ATP9B: variants seen among roughly 807,000 people sequenced by gnomAD.
ATP9B encodes probable phospholipid-transporting ATPase IIB.
A neutral mutation model predicts 146.1 loss-of-function variants in ATP9B; 110 were observed. That is an observed-to-expected ratio of 0.75 (90% CI 0.65 to 0.88). The LOEUF (loss-of-function observed/expected upper bound fraction) is 0.88. ATP9B is among the 40% of genes least tolerant of loss of function. The pLI, the probability that ATP9B is intolerant of heterozygous loss-of-function variation, is 0.00. For synonymous variants in ATP9B, 604 were observed against 569.7 expected (o/e 1.06, Z -0.86); for missense variants, 1,499 against 1,496.4 (o/e 1.00, Z -0.03).
Position 79,231,778 on chromosome 18 carries a change from GTATA to G in ATP9B, c.1107+17763_1107+17766del, listed in dbSNP as rs781387419. ...GTAGATAAAGAAAATGTGTGTGTGT[GTATA>G]TATATATATATATATATATATACAC... On this transcript the variant is annotated intron_variant, in intron 11 of 29. Transcript: ENST00000426216. Among the ~76,000 whole-genome samples, 622 of 121,284 alleles carry G rather than the reference GTATA, an allele frequency of 5.1e-3. 11 individuals carry two copies. The highest frequency in any genetic ancestry group is 0.018 in the African/African-American group (556 of 30,270). 79.6% of individuals were successfully genotyped at this position (121,284 alleles called of 152,430 possible).
intron 4 of ATP9B, among the ~76,000 whole-genome samples, chr18:79,123,641 G>T (rs1453485020): frequency 6.6e-6 from 1 of 152,014 alleles, no homozygotes; most frequent in Non-Finnish European, 1.5e-5. Flanking sequence ...GTAGATCAAA[G>T]TTGGAGAACT....
At chr18:79,331,632 T>G (rs2096790487) in intron 17 of ATP9B, among the ~76,000 whole-genome samples, 1 of 152,184 alleles carries the variant, frequency 6.6e-6, no homozygotes, top group Admixed American at 6.5e-5. Flanking sequence ...GGCAGCAGAT[T>G]CTTCGAGCTG....
intron 15 of ATP9B, among the ~76,000 whole-genome samples, chr18:79,328,764 G>C (rs1209822854): frequency 6.6e-6 from 1 of 152,038 alleles, no homozygotes; most frequent in Non-Finnish European, 1.5e-5. Context: ...CCATGGAACT[G>C]GGGAGGGAGA....
At chr18:79,099,663 G>C (rs80173780) in intron 2 of ATP9B, among the ~76,000 whole-genome samples, 2,254 of 152,040 alleles carry the variant, frequency 0.015, 66 homozygotes, top group African/African-American at 0.051. Context: ...ACCAGGTCTT[G>C]CTATGTTGCC....
At chr18:79,200,966 T>C (rs1236316171) in intron 9 of ATP9B, among the ~76,000 whole-genome samples, 2 of 152,220 alleles carry the variant, frequency 1.3e-5, no homozygotes, top group African/African-American at 2.4e-5. Context: ...GTGCCAAGTG[T>C]TGAGCACAAA....
chr18:79,289,996 G>T lies in ATP9B; in HGVS notation c.1411+12800G>T, dbSNP rs866620571. Among the ~76,000 whole-genome samples, 3 of 152,106 alleles carry T rather than the reference G, an allele frequency of 2.0e-5. 1 individual carries two copies. The South Asian group carries it at 6.2e-4, about 32-fold the overall frequency. On this transcript the variant is annotated intron_variant, in intron 13 of 29. Transcript: ENST00000426216. ...AAGTTTTGTCTCAGAGGAGTACCCG[G>T]CTGTGTGAGGTGTCAGTCTGCCCCT...
At chr18:79,176,959 GGCTT>G in intron 8 of ATP9B, 52 bp downstream of exon 8, 2 of 1,472,684 alleles carry the variant, frequency 1.4e-6, no homozygotes, top group Non-Finnish European at 1.9e-6. Context: ...GTAGTTTCTA[GGCTT>G]CACGTATATT....
At chr18:79,331,962 C>T (rs540061577) in intron 17 of ATP9B, among the ~76,000 whole-genome samples, 4 of 152,298 alleles carry the variant, frequency 2.6e-5, no homozygotes, top group African/African-American at 7.2e-5. Context: ...AAACCCCACA[C>T]AGATGAAAAT....
chr18:79,128,039 G>T (rs2094315217), intron 5 of ATP9B, among the ~76,000 whole-genome samples: 1 of 145,814 alleles, frequency 6.9e-6, no homozygotes, highest in Non-Finnish European at 1.5e-5. Context: ...TGTCTGCTCA[G>T]ATCCTTTGCC....
chr18:79,254,101 T>C (rs1313580118), intron 12 of ATP9B: 1 of 152,212 alleles, frequency 6.6e-6, no homozygotes, highest in Non-Finnish European at 1.5e-5. Flanking sequence ...CATTTTAAAC[T>C]ATTTTCTAAA....
chr18:79,176,545 G>A (rs1421442625), intron 7 of ATP9B, among the ~76,000 whole-genome samples: 1 of 152,142 alleles, frequency 6.6e-6, no homozygotes, highest in Non-Finnish European at 1.5e-5. Context: ...GCTGATTAAT[G>A]TTAAACCTTA....
At chr18:79,302,486 A>G (rs866972945) in intron 13 of ATP9B, among the ~76,000 whole-genome samples, 2 of 152,180 alleles carry the variant, frequency 1.3e-5, no homozygotes, top group African/African-American at 4.8e-5. Context: ...AGCACCACAC[A>G]TCGCAGCACG....
chr18:79,229,049 A>G lies in ATP9B; in HGVS notation c.1107+15011A>G, dbSNP rs371382396. 2.4e-3 allele frequency among the ~76,000 whole-genome samples: 365 copies of G among 152,286 alleles called. 2 individuals are homozygous for G. The highest frequency in any genetic ancestry group is 6.4e-3 in the South Asian group (31 of 4,824). On this transcript the variant is annotated intron_variant, in intron 11 of 29. Coordinates refer to ENST00000426216, the MANE Select transcript of ATP9B (RefSeq NM_198531.5). ...CTGTCTCAATACAAGCAAACAAAAAAAGGTAGCAGCTCAGGCTACAGTTCA... is the reference window on the plus strand; with the variant it reads ...CTGTCTCAATACAAGCAAACAAAAAGAGGTAGCAGCTCAGGCTACAGTTCA...
chr18:79,192,119 C>G (rs1007049550), intron 8 of ATP9B, among the ~76,000 whole-genome samples: 1 of 152,180 alleles, frequency 6.6e-6, no homozygotes, highest in African/African-American at 2.4e-5. Flanking sequence ...TACACAGATT[C>G]GGCCCCTTCT....
At chr18:79,260,261 CAGG>C (rs2096126363) in intron 12 of ATP9B, among the ~76,000 whole-genome samples, 1 of 152,148 alleles carries the variant, frequency 6.6e-6, no homozygotes, top group Non-Finnish European at 1.5e-5. Context: ...CACAAGGCAG[CAGG>C]AGAAAGTGTG....
intron 2 of ATP9B, among the ~76,000 whole-genome samples, chr18:79,097,596 A>G (rs1277393402): frequency 5.9e-5 from 7 of 118,346 alleles, no homozygotes; most frequent in African/African-American, 1.4e-4. Context: ...TCATTGTTCA[A>G]TTCCCACCTA....
intron 2 of ATP9B, among the ~76,000 whole-genome samples, chr18:79,105,854 C>A (rs2146919838): frequency 6.6e-6 from 1 of 152,160 alleles, no homozygotes; most frequent in African/African-American, 2.4e-5. Context: ...CGAATGTGCT[C>A]ATCTTTTAAG....
intron 1 of ATP9B, among the ~76,000 whole-genome samples, chr18:79,089,411 T>G (rs1264155776): frequency 6.6e-6 from 1 of 152,198 alleles, no homozygotes; most frequent in East Asian, 1.9e-4. Flanking sequence ...CAGCTGCTTC[T>G]GGTGTCCTGC....
At chr18:79,223,275 TA>T (rs2095698275) in intron 11 of ATP9B, among the ~76,000 whole-genome samples, 1 of 152,116 alleles carries the variant, frequency 6.6e-6, no homozygotes, top group African/African-American at 2.4e-5. Flanking sequence ...TTAAAAAAGA[TA>T]ATTTATTAAT....
Sources: gnomAD v4.1 joint callset for allele counts (sites outside exome capture counted in the v4.1 genomes callset) on GRCh38, gnomAD v4.1.1 for gene constraint, MANE v1.5 for transcripts, NCBI Gene and HGNC (gene_info 2026-07-23, HGNC 2026-07-21) for gene names.